Variants in CTIF observed in about 807,000 individuals in gnomAD.
CTIF encodes CBP80/20-dependent translation initiation factor.
Under a neutral mutation model 66.0 loss-of-function variants are expected in CTIF, and 21 were observed. The ratio of observed to expected loss-of-function variants is 0.32; its 90% confidence interval spans 0.23 to 0.46. The LOEUF is 0.46. Among genes scored for constraint, CTIF ranks in the 20% least tolerant of loss-of-function variants. The pLI, the probability that CTIF is intolerant of heterozygous loss-of-function variation, is 1.00. For synonymous variants in CTIF, 345 were observed against 326.4 expected (o/e 1.06, Z -0.62); for missense variants, 739 against 812.7 (o/e 0.91, Z 1.10).
At chr18:48,621,944 G>T (rs926922474) in intron 2 of CTIF, among the ~76,000 whole-genome samples, 5 of 152,222 alleles carry the variant, frequency 3.3e-5, no homozygotes, top group African/African-American at 4.8e-5. Context: ...CACAATGACA[G>T]GAGGGAGTGG....
intron 1 of CTIF, among the ~76,000 whole-genome samples, chr18:48,583,688 C>A (rs796561674): frequency 3.1e-4 from 47 of 152,306 alleles, no homozygotes; most frequent in African/African-American, 1.1e-3. Context: ...AGGATCGATT[C>A]CACCATGAGG....
chr18:48,605,322 C>T (rs975804510), intron 1 of CTIF, among the ~76,000 whole-genome samples: 3 of 152,186 alleles, frequency 2.0e-5, no homozygotes, highest in African/African-American at 7.2e-5. Context: ...CTTTTTACTT[C>T]TAAGCTTCTA....
intron 3 of CTIF, among the ~76,000 whole-genome samples, chr18:48,641,164 A>T (rs1190395166): frequency 1.3e-5 from 2 of 152,252 alleles, no homozygotes; most frequent in Admixed American, 1.3e-4. Context: ...AGACTGCAGC[A>T]GCAGTACATT....
chr18:48,785,726 G>A (rs1911643834), intron 9 of CTIF, among the ~76,000 whole-genome samples: 1 of 152,190 alleles, frequency 6.6e-6, no homozygotes, highest in South Asian at 2.1e-4. Flanking sequence ...TTGGTAAACA[G>A]TATCAACAGC....
intron 7 of CTIF, among the ~76,000 whole-genome samples, chr18:48,738,169 T>C (rs776267382): frequency 5.9e-5 from 9 of 152,232 alleles, no homozygotes; most frequent in Non-Finnish European, 1.2e-4. Context: ...CCACCCGCAG[T>C]GGACCATCAG....
At chr18:48,796,689 C>T (rs1320115387) in intron 9 of CTIF, among the ~76,000 whole-genome samples, 1 of 152,184 alleles carries the variant, frequency 6.6e-6, no homozygotes, top group Non-Finnish European at 1.5e-5. Flanking sequence ...CACCCAAGGG[C>T]AGAAGGACTT....
intron 3 of CTIF, among the ~76,000 whole-genome samples, chr18:48,661,161 T>C (rs375921840): frequency 5.9e-5 from 9 of 152,258 alleles, no homozygotes; most frequent in African/African-American, 2.2e-4. Context: ...AAGATTACAG[T>C]CTACTTGGGG....
intron 1 of CTIF, among the ~76,000 whole-genome samples, chr18:48,596,168 G>A (rs980553133): frequency 2.0e-5 from 3 of 152,196 alleles, no homozygotes; most frequent in Admixed American, 1.3e-4. Context: ...TTACCACGGT[G>A]ACATAGAACA....
chr18:48,649,415 G>T (rs955076142), intron 3 of CTIF, among the ~76,000 whole-genome samples: 1 of 152,260 alleles, frequency 6.6e-6, no homozygotes, highest in African/African-American at 2.4e-5. Context: ...GTCTGCCATT[G>T]CTGACGCTTG....
intron 6 of CTIF, among the ~76,000 whole-genome samples, chr18:48,700,402 C>G (rs916974473): frequency 3.9e-5 from 6 of 152,204 alleles, no homozygotes; most frequent in Non-Finnish European, 8.8e-5. Flanking sequence ...TGTGGCCTCT[C>G]CAGCCAGCTG....
At chr18:48,819,099 G>A (rs2068429398) in intron 10 of CTIF, among the ~76,000 whole-genome samples, 1 of 152,222 alleles carries the variant, frequency 6.6e-6, no homozygotes, top group Non-Finnish European at 1.5e-5. Flanking sequence ...TCTCTCGGGT[G>A]TTTTGTAAAC....
intron 1 of CTIF, among the ~76,000 whole-genome samples, chr18:48,564,199 GCTAGAAGATTGTT>G (rs1348803022): frequency 6.6e-6 from 1 of 152,214 alleles, no homozygotes; most frequent in Admixed American, 6.5e-5. Flanking sequence ...TGTCCTAGAG[GCTAGAAGATTGTT>G]CTACAGAGAA....
intron 5 of CTIF, among the ~76,000 whole-genome samples, chr18:48,666,564 A>G (rs938674600): frequency 6.6e-6 from 1 of 152,180 alleles, no homozygotes; most frequent in African/African-American, 2.4e-5. Flanking sequence ...GTTGCTGGGG[A>G]GAGGCCCATC....
At chr18:48,691,857 G>C (rs778897041) in intron 6 of CTIF, among the ~76,000 whole-genome samples, 59 of 152,098 alleles carry the variant, frequency 3.9e-4, no homozygotes, top group Non-Finnish European at 7.6e-4. Flanking sequence ...AGGTATTCCA[G>C]GACAATCCTA....
chr18:48,636,777 G>A, intron 3 of CTIF, 92 bp downstream of exon 3: 1 of 946,708 alleles, frequency 1.1e-6, no homozygotes, highest in Non-Finnish European at 1.5e-6. Context: ...CTGAGGAGTG[G>A]TGACATGGAG....
intron 9 of CTIF, among the ~76,000 whole-genome samples, chr18:48,790,053 G>C (rs1256812235): frequency 6.6e-6 from 1 of 152,204 alleles, no homozygotes; most frequent in Admixed American, 6.5e-5. Context: ...GAAGATGAAA[G>C]GAGCTAACCC....
chr18:48,673,699 G>T (rs888182537), intron 6 of CTIF: 1 of 152,234 alleles, frequency 6.6e-6, no homozygotes, highest in African/African-American at 2.4e-5. Context: ...AAGAGAGCTG[G>T]AGGGTCGTGT....
intron 3 of CTIF, among the ~76,000 whole-genome samples, chr18:48,657,943 A>G (rs1268982632): frequency 6.6e-6 from 1 of 152,080 alleles, no homozygotes; most frequent in Non-Finnish European, 1.5e-5. Context: ...ATGGGTCCTC[A>G]GTGTGAGCCA....
rs577330933 is a variant in CTIF, at chr18:48,862,953, C to A, written c.*3394C>A. On this transcript the variant is annotated 3_prime_UTR_variant, in exon 12 of 12. Transcript: ENST00000256413. The stretch of plus-strand genomic sequence containing the variant: ...CTGTGTTGGGAAACCATTGGCTGGG[C>A]CTTTGAGGACACAGATCAGAAGAAA... 6.6e-6 allele frequency: 1 copy of A among 152,290 alleles called. No individual in the cohort carries two copies. The highest frequency in any genetic ancestry group is 2.1e-4 in the South Asian group (1 of 4,836). The allele number at this position is 152,290 out of a possible 1,614,324, so 9.4% of individuals were successfully genotyped here.
Sources: allele counts gnomAD v4.1 joint callset (sites outside exome capture counted in the v4.1 genomes callset), GRCh38; gene constraint gnomAD v4.1.1; transcripts MANE v1.5; gene names NCBI Gene and HGNC (gene_info 2026-07-23, HGNC 2026-07-21).